The following DLC1 variants were observed in gnomAD, a reference collection of about 807,000 sequenced individuals.
DLC1 encodes the protein rho GTPase-activating protein 7.
DLC1 carries 54 observed loss-of-function variants against 140.3 expected under a neutral mutation model. That is an observed-to-expected ratio of 0.38 (90% CI 0.31 to 0.48). The LOEUF (loss-of-function observed/expected upper bound fraction) is 0.48, where lower values mean the gene tolerates loss of function less well. Ranked by LOEUF, DLC1 falls within the 20% of genes least tolerant of loss-of-function variation. The probability of loss-of-function intolerance (pLI) is 0.96; values close to 1 mark genes in which losing one functional copy is unlikely to be tolerated. For missense variants in DLC1, 2,536 were observed against 1,907.0 expected, an observed-to-expected ratio of 1.33 and a Z score of -6.14; for synonymous variants, 986 against 728.1, an observed-to-expected ratio of 1.35 and a Z score of -5.70.
intron 2 of DLC1, among the ~76,000 whole-genome samples, chr8:13,417,625 G>A (rs1040121769): frequency 1.3e-5 from 2 of 152,042 alleles, no homozygotes; most frequent in Admixed American, 1.3e-4. Context: ...GGACATTTGT[G>A]TTGGTTCCAA....
intron 2 of DLC1, among the ~76,000 whole-genome samples, chr8:13,437,152 A>T (rs1408412216): frequency 2.0e-5 from 3 of 152,066 alleles, no homozygotes; most frequent in African/African-American, 7.2e-5. Context: ...CGCCATTCCT[A>T]CTGTTTCTCA....
intron 1 of DLC1, chr8:13,567,289 C>T (rs767181685): frequency 6.7e-5 from 104 of 1,551,576 alleles, no homozygotes; most frequent in Middle Eastern, 1.7e-4. Context: ...TAACTTTGAA[C>T]GGCACCAACC....
intron 4 of DLC1, among the ~76,000 whole-genome samples, chr8:13,350,020 G>T (rs763085331): frequency 4.5e-4 from 69 of 152,160 alleles, no homozygotes; most frequent in Non-Finnish European, 9.4e-4. Context: ...CCTTTAGTCT[G>T]TGATCAGAAA....
chr8:13,553,246 A>G (rs944803561), intron 1 of DLC1, among the ~76,000 whole-genome samples: 2 of 131,268 alleles, frequency 1.5e-5, no homozygotes, highest in African/African-American at 2.8e-5. Context: ...ATATATATAT[A>G]TATATGTATC....
chr8:13,136,309 T>C (rs1235312255), intron 5 of DLC1, among the ~76,000 whole-genome samples: 9 of 152,142 alleles, frequency 5.9e-5, no homozygotes, highest in Non-Finnish European at 1.3e-4. Context: ...CCTAACAGTT[T>C]TTCAACTCCT....
At chr8:13,294,706 A>G (rs568195118) in intron 5 of DLC1, among the ~76,000 whole-genome samples, 9 of 152,156 alleles carry the variant, frequency 5.9e-5, no homozygotes, top group Non-Finnish European at 1.3e-4. Context: ...AAATTTATTC[A>G]TCAGCCTGAG....
upstream of DLC1, among the ~76,000 whole-genome samples, chr8:13,519,008 A>G (rs1309791187): frequency 6.6e-6 from 1 of 151,994 alleles, no homozygotes; most frequent in Admixed American, 6.6e-5. Context: ...TTTTTTTATT[A>G]TACTATAAGT....
intron 5 of DLC1, among the ~76,000 whole-genome samples, chr8:13,206,923 C>G (rs1242408457): frequency 6.6e-6 from 1 of 152,048 alleles, no homozygotes; most frequent in Non-Finnish European, 1.5e-5. Flanking sequence ...AAGCAGCTGT[C>G]ACTATTATGC....
At chr8:13,529,103 A>G (rs1375440983) in intron 1 of DLC1, among the ~76,000 whole-genome samples, 4 of 152,236 alleles carry the variant, frequency 2.6e-5, no homozygotes, top group Non-Finnish European at 5.9e-5. Flanking sequence ...TGTATAAGCG[A>G]ACAGAATAAG....
chr8:13,384,340 C>T (rs1423971259), intron 4 of DLC1, among the ~76,000 whole-genome samples: 1 of 152,126 alleles, frequency 6.6e-6, no homozygotes, highest in African/African-American at 2.4e-5. Context: ...AGGTAGACAC[C>T]TACCTTGAGC....
chr8:13,547,746 T>A (rs1255785546), intron 1 of DLC1, among the ~76,000 whole-genome samples: 2 of 152,062 alleles, frequency 1.3e-5, no homozygotes, highest in Non-Finnish European at 2.9e-5. Flanking sequence ...CATCTATCAA[T>A]CCCTAACTTC....
chr8:13,588,510 G>T (rs1188866964), intron 1 of DLC1, among the ~76,000 whole-genome samples: 1 of 152,040 alleles, frequency 6.6e-6, no homozygotes, highest in African/African-American at 2.4e-5. Context: ...GAATATAAAT[G>T]AATTCCACTG....
intron 5 of DLC1, among the ~76,000 whole-genome samples, chr8:13,137,348 G>C (rs1486716021): frequency 6.6e-6 from 1 of 152,128 alleles, no homozygotes; most frequent in Non-Finnish European, 1.5e-5. Flanking sequence ...TGAGATTTTG[G>C]TTTGAGATGC....
At chr8:13,415,526 A>T (rs770292994) in intron 2 of DLC1, among the ~76,000 whole-genome samples, 8 of 151,464 alleles carry the variant, frequency 5.3e-5, no homozygotes, top group Non-Finnish European at 1.0e-4. Context: ...CAGCCTACCT[A>T]GTAGCAGGGA....
intron 4 of DLC1, among the ~76,000 whole-genome samples, chr8:13,324,682 T>C (rs769568739): frequency 5.3e-5 from 8 of 152,120 alleles, no homozygotes; most frequent in Non-Finnish European, 1.0e-4. Context: ...CCAAATTCAA[T>C]ATAAACCATG....
chr8:13,195,009 C>G (rs1303868532), intron 5 of DLC1, among the ~76,000 whole-genome samples: 2 of 152,104 alleles, frequency 1.3e-5, no homozygotes, highest in Non-Finnish European at 2.9e-5. Flanking sequence ...GATCCTGTCT[C>G]AAAAACAGCA....
chr8:13,447,767 G>A (rs1798847750), intron 2 of DLC1, among the ~76,000 whole-genome samples: 1 of 152,026 alleles, frequency 6.6e-6, no homozygotes, highest in South Asian at 2.1e-4. Flanking sequence ...TATTAGTGTT[G>A]TTCTTTATTT....
At chr8:13,091,541 A>C (rs1462639199) in intron 13 of DLC1, 109 bp from the exon 14 acceptor site, 13 of 907,960 alleles carry the variant, frequency 1.4e-5, no homozygotes, top group Non-Finnish European at 2.1e-5. Context: ...TTTCACTGGA[A>C]TCTGTTTATT....
At chr8:13,102,020 C>T (rs1008690748) in intron 8 of DLC1, among the ~76,000 whole-genome samples, 5 of 152,116 alleles carry the variant, frequency 3.3e-5, no homozygotes, top group East Asian at 3.9e-4. Flanking sequence ...GCTCAGTGGG[C>T]GCTGAGGTTC....
Sources: allele counts gnomAD v4.1 joint callset (sites outside exome capture counted in the v4.1 genomes callset), GRCh38; gene constraint gnomAD v4.1.1; transcripts MANE v1.5; gene names NCBI Gene and HGNC (gene_info 2026-07-23, HGNC 2026-07-21).